CSMD1: variants seen among roughly 807,000 people sequenced by gnomAD.
The protein encoded by CSMD1 is CUB and sushi domain-containing protein 1.
A neutral mutation model predicts 417.5 loss-of-function variants in CSMD1; 213 were observed. The ratio of observed to expected loss-of-function variants is 0.51; its 90% CI spans 0.46 to 0.57. The LOEUF is 0.57. CSMD1 is among the 20% of genes least tolerant of loss of function. The probability of loss-of-function intolerance (pLI) is 0.00; values close to 1 mark genes in which losing one functional copy is unlikely to be tolerated. For synonymous variants in CSMD1, 2,862 were observed against 1,736.8 expected, an observed-to-expected ratio of 1.65 and a Z score of -16.11; for missense variants, 6,923 against 4,529.7, an observed-to-expected ratio of 1.53 and a Z score of -15.17.
chr8:3,017,267 A>G (rs1360415860), intron 52 of CSMD1, among the ~76,000 whole-genome samples: 6 of 152,218 alleles, frequency 3.9e-5, no homozygotes, highest in Non-Finnish European at 7.3e-5. Context: ...GAGCTTGTCC[A>G]TATCAAAGCT....
intron 3 of CSMD1, among the ~76,000 whole-genome samples, chr8:4,199,662 G>C (rs915682127): frequency 7.9e-5 from 12 of 152,132 alleles, no homozygotes; most frequent in Non-Finnish European, 1.3e-4. Context: ...CTCAGTGTAT[G>C]AGGCTGGACA....
chr8:3,803,967 G>T (rs562023084), intron 5 of CSMD1, among the ~76,000 whole-genome samples: 1 of 151,914 alleles, frequency 6.6e-6, no homozygotes, highest in Admixed American at 6.6e-5. Flanking sequence ...TTGCTCTGTC[G>T]CCCAGGCTGG....
intron 3 of CSMD1, among the ~76,000 whole-genome samples, chr8:4,254,546 T>C (rs993019504): frequency 1.3e-5 from 2 of 152,166 alleles, no homozygotes; most frequent in African/African-American, 4.8e-5. Flanking sequence ...TTATGAAGAC[T>C]ACAGTAGTGT....
chr8:4,148,000 C>G (rs992090255), intron 3 of CSMD1, among the ~76,000 whole-genome samples: 8 of 152,100 alleles, frequency 5.3e-5, no homozygotes, highest in Admixed American at 1.3e-4. Flanking sequence ...GTCTTAAAAC[C>G]ACGGGTTCCA....
intron 50 of CSMD1, among the ~76,000 whole-genome samples, chr8:3,051,192 C>G (rs1309031383): frequency 6.6e-6 from 1 of 152,206 alleles, no homozygotes; most frequent in Non-Finnish European, 1.5e-5. Flanking sequence ...GATATGGAAT[C>G]AACCCAAATG....
intron 5 of CSMD1, among the ~76,000 whole-genome samples, chr8:3,881,576 G>C (rs1806205024): frequency 7.1e-6 from 1 of 141,096 alleles, no homozygotes; most frequent in Non-Finnish European, 1.5e-5. Context: ...TTGCAGTCCA[G>C]CCTGCCTGGG....
At chr8:3,072,137 G>C (rs767392488) in intron 49 of CSMD1, among the ~76,000 whole-genome samples, 1 of 152,200 alleles carries the variant, frequency 6.6e-6, no homozygotes, top group Non-Finnish European at 1.5e-5. Context: ...AAAGTCTCGA[G>C]TCTCAGGGCA....
chr8:4,460,041 A>T (rs752271062), intron 2 of CSMD1, among the ~76,000 whole-genome samples: 1 of 152,184 alleles, frequency 6.6e-6, no homozygotes, highest in Non-Finnish European at 1.5e-5. Flanking sequence ...TCTACAGAAC[A>T]TTCCAGCCAA....
intron 5 of CSMD1, among the ~76,000 whole-genome samples, chr8:3,780,334 G>C (rs529172497): frequency 4.6e-5 from 7 of 152,180 alleles, no homozygotes; most frequent in African/African-American, 1.4e-4. Flanking sequence ...ACAGTTGTTC[G>C]TTAGAATAGA....
chr8:4,166,703 A>T (rs1460193475), intron 3 of CSMD1, among the ~76,000 whole-genome samples: 1 of 152,140 alleles, frequency 6.6e-6, no homozygotes, highest in Non-Finnish European at 1.5e-5. Context: ...AATCAGCTCT[A>T]AAGAACATAT....
At chr8:3,741,213 T>TAAAAAAAAAAAA (rs58662516) in intron 6 of CSMD1, among the ~76,000 whole-genome samples, 2 of 67,276 alleles carry the variant, frequency 3.0e-5, no homozygotes, top group Admixed American at 1.9e-4. Context: ...GACTCCGTCT[T>TAAAAAAAAAAAA]AAAAAAAAAA....
At chr8:4,295,754 A>G (rs80128598) in intron 3 of CSMD1, among the ~76,000 whole-genome samples, 13,887 of 30,900 alleles carry the variant, frequency 0.45, 854 homozygotes, top group Middle Eastern at 0.58. Context: ...GTGTGTGTAT[A>G]TATATATATA....
rs1563162739 is a variant in CSMD1, at chr8:2,937,194, T to C, written c.*1391A>G. ...TGCATCATAACTTATCATTTACCTATAATGGAATTTAAACTTGAAAAGTCA... is the reference window on the plus strand; with the variant it reads ...TGCATCATAACTTATCATTTACCTACAATGGAATTTAAACTTGAAAAGTCA... On this transcript the variant is annotated 3_prime_UTR_variant, in exon 70 of 70. Transcript: ENST00000635120. 6.6e-6 allele frequency: 1 copy of C among 152,158 alleles called. No homozygotes were observed. The highest frequency in any genetic ancestry group is 1.5e-5 in the Non-Finnish European group (1 of 68,024). The allele number at this position is 152,158 out of a possible 1,614,324, so 9.4% of individuals were successfully genotyped here.
chr8:3,932,827 C>A (rs1162065857), intron 5 of CSMD1, among the ~76,000 whole-genome samples: 1 of 150,192 alleles, frequency 6.7e-6, no homozygotes, highest in Non-Finnish European at 1.5e-5. Flanking sequence ...ATATATTTCT[C>A]TTTTTTATGC....
intron 10 of CSMD1, among the ~76,000 whole-genome samples, chr8:3,506,898 G>C (rs1041591768): frequency 6.6e-6 from 1 of 152,080 alleles, no homozygotes; most frequent in Admixed American, 6.6e-5. Flanking sequence ...CGGATAATTT[G>C]AAAATAAATA....
In CSMD1 at chr8:3,237,641, T is replaced by G. The variant is rs1563171443; in HGVS notation, c.4154-7410A>C. On this transcript the variant is annotated intron_variant, in intron 26 of 69. Coordinates refer to ENST00000635120, the MANE Select transcript of CSMD1 (RefSeq NM_033225.6). Reference sequence around the variant, plus strand: ...ATAAATATATTTTTTATACTTATACTATAATTTTTTAAATTATACTATAAA... The same window carrying G: ...ATAAATATATTTTTTATACTTATACGATAATTTTTTAAATTATACTATAAA... Among the ~76,000 whole-genome samples, 91 of 110,396 alleles carry G rather than the reference T, an allele frequency of 8.2e-4. 1 individual carries two copies. The highest frequency in any genetic ancestry group is 2.4e-3 in the African/African-American group (85 of 34,788). 72.4% of individuals were successfully genotyped at this position (110,396 alleles called of 152,430 possible).
intron 13 of CSMD1, 39 bp downstream of exon 13, chr8:3,409,384 C>A (rs778931026): frequency 6.5e-7 from 1 of 1,535,934 alleles, no homozygotes; most frequent in South Asian, 1.3e-5. Flanking sequence ...AAGATCCTTG[C>A]AGGACAGGAG....
intron 7 of CSMD1, among the ~76,000 whole-genome samples, chr8:3,688,565 T>G (rs1800065954): frequency 6.6e-6 from 1 of 152,242 alleles, no homozygotes; most frequent in Non-Finnish European, 1.5e-5. Context: ...GCTTAATAAA[T>G]GTTAGCAATG....
chr8:4,376,783 C>G (rs1411596991), intron 3 of CSMD1, among the ~76,000 whole-genome samples: 3 of 152,226 alleles, frequency 2.0e-5, no homozygotes, highest in Non-Finnish European at 4.4e-5. Context: ...ATAACCAACT[C>G]TATTTTCTGT....
Sources: allele counts gnomAD v4.1 joint callset (sites outside exome capture counted in the v4.1 genomes callset), GRCh38; gene constraint gnomAD v4.1.1; transcripts MANE v1.5; gene names NCBI Gene and HGNC (gene_info 2026-07-23, HGNC 2026-07-21).